The following FAM83F variants were observed in gnomAD, a reference collection of about 807,000 sequenced individuals.
FAM83F encodes the protein scaffolding CK1 anchoring protein F.
A neutral mutation model predicts 42.9 loss-of-function variants in FAM83F; 45 were observed. The observed-to-expected ratio is 1.05, with a 90% confidence interval of 0.83 to 1.35. FAM83F has a LOEUF of 1.35. FAM83F is among the 40% of genes most tolerant of loss of function. The probability of loss-of-function intolerance (pLI) is 0.00; values close to 1 mark genes in which losing one functional copy is unlikely to be tolerated. For synonymous variants in FAM83F, 306 were observed against 298.3 expected, an observed-to-expected ratio of 1.03 and a Z score of -0.27; for missense variants, 617 against 695.9, an observed-to-expected ratio of 0.89 and a Z score of 1.28.
chr22:40,001,983 G>T (rs1468987080), intron 1 of FAM83F, among the ~76,000 whole-genome samples: 1 of 152,198 alleles, frequency 6.6e-6, no homozygotes, highest in East Asian at 1.9e-4. Context: ...TGATCTGTTT[G>T]CCTTGATTTG....
intron 4 of FAM83F, among the ~76,000 whole-genome samples, chr22:40,027,854 C>T (rs998029034): frequency 2.0e-5 from 3 of 151,638 alleles, no homozygotes; most frequent in African/African-American, 7.3e-5. Context: ...CTACCCCCAC[C>T]ACCACCCACC....
chr22:40,013,725 G>A (rs980629628), intron 1 of FAM83F, among the ~76,000 whole-genome samples: 2 of 151,994 alleles, frequency 1.3e-5, no homozygotes, highest in Non-Finnish European at 2.9e-5. Flanking sequence ...TATTAATATG[G>A]AGAGTATTCG....
At chr22:40,013,023 C>T (rs1963710372) in intron 1 of FAM83F, among the ~76,000 whole-genome samples, 1 of 135,704 alleles carries the variant, frequency 7.4e-6, no homozygotes, top group Non-Finnish European at 1.5e-5. Context: ...GCTGAGCTTG[C>T]AGTGAGCTCA....
At chr22:40,008,655 T>C (rs563594580) in intron 1 of FAM83F, among the ~76,000 whole-genome samples, 1 of 152,320 alleles carries the variant, frequency 6.6e-6, no homozygotes, top group South Asian at 2.1e-4. Flanking sequence ...AGGCTGCTGT[T>C]AAAATGCATT....
intron 1 of FAM83F, among the ~76,000 whole-genome samples, chr22:40,002,424 C>G (rs528513129): frequency 7.9e-5 from 12 of 152,172 alleles, no homozygotes; most frequent in Non-Finnish European, 1.3e-4. Context: ...GGTCCCTGAA[C>G]CTCTGAGGAT....
Position 40,042,897 on chromosome 22 carries a change from C to G in FAM83F, c.*13332C>G, listed in dbSNP as rs2067658258. ...GGAAGGTTTTAGATTCTGAATGTTT[C>G]TCATTCATTGTGTTTTTGAGTTCAG... On this transcript the variant is annotated 3_prime_UTR_variant, in exon 5 of 5. Transcript: ENST00000333407. 6.6e-6 allele frequency: 1 copy of G among 152,112 alleles called. No homozygotes were observed. 9.4% of individuals were successfully genotyped at this position (152,112 alleles called of 1,614,324 possible).
chr22:40,022,253 T>C (rs1335882087), intron 4 of FAM83F, among the ~76,000 whole-genome samples: 1 of 152,254 alleles, frequency 6.6e-6, no homozygotes, highest in Non-Finnish European at 1.5e-5. Flanking sequence ...GAGCTTCTAA[T>C]GCTACTGCTA....
rs2067648134 is a variant in FAM83F at position 40,040,998 on chromosome 22, A to G, written c.*11433A>G. On this transcript the variant is annotated 3_prime_UTR_variant, in exon 5 of 5. Coordinates refer to ENST00000333407, the MANE Select transcript of FAM83F (RefSeq NM_138435.4). ...GTGGGTTATTGCAGAATTGTTCACA[A>G]AAATTCCCATTGCCTTGGAATTTGT... The G allele has an allele frequency of 6.6e-6, 1 of 152,224 alleles. No individual in the cohort carries two copies. Among genetic ancestry groups the G allele is most frequent in the Non-Finnish European group, 1.5e-5 (1 of 68,050 alleles). The allele number at this position is 152,224 out of a possible 1,614,324, so 9.4% of individuals were successfully genotyped here. A position where few individuals can be genotyped will look rare whatever the true frequency, so the allele number is the denominator to read the frequency against.
At chr22:40,024,173 A>G (rs980721403) in intron 4 of FAM83F, among the ~76,000 whole-genome samples, 1 of 151,832 alleles carries the variant, frequency 6.6e-6, no homozygotes, top group Non-Finnish European at 1.5e-5. Flanking sequence ...CTAATTTTTT[A>G]AATTGTTTGT....
intron 1 of FAM83F, among the ~76,000 whole-genome samples, chr22:39,999,610 T>C (rs137971334): frequency 5.9e-5 from 9 of 152,192 alleles, no homozygotes; most frequent in Non-Finnish European, 1.2e-4. Context: ...AAATGACTTA[T>C]CTTCAGACCA....
chr22:40,010,293 G>A (rs59826384), intron 1 of FAM83F, among the ~76,000 whole-genome samples: 33 of 152,298 alleles, frequency 2.2e-4, no homozygotes, highest in African/African-American at 7.9e-4. Context: ...CGTGCTCAGT[G>A]AAAGACCCAA....
In FAM83F at chr22:39,995,072, C is replaced by A; in HGVS notation, c.30C>A (p.Asp10Glu). Residue 10 changes from aspartate to glutamate, a missense_variant, in exon 1 of 5, where the codon GAC becomes GAA. Transcript: ENST00000333407. The surrounding 1 kb of genome is among the most constrained non-coding windows in gnomAD (Gnocchi z 4.6). ...CCGAGTCCCAGCTGAACTGCCTGGACGAGGCGCACGTGAACGAGAAGGTGA... is the reference window on the plus strand; with the variant it reads ...CCGAGTCCCAGCTGAACTGCCTGGAAGAGGCGCACGTGAACGAGAAGGTGA... The part of the protein sequence containing the change: MAESQLNCL[D>E]EAHVNEKVTE... 7.4e-7 allele frequency: 1 copy of A among 1,342,964 alleles called. No individual in the cohort carries two copies. The highest frequency in any genetic ancestry group is 9.5e-7 in the Non-Finnish European group (1 of 1,054,496). 83.2% of individuals were successfully genotyped at this position (1,342,964 alleles called of 1,614,324 possible). A position where few individuals can be genotyped will look rare whatever the true frequency, so the allele number is the denominator to read the frequency against.
Position 39,995,250 on chromosome 22 carries a change from G to C in FAM83F, c.208G>C (p.Ala70Pro). Reference sequence around the variant, plus strand: ...CCCGGAGCGCCAGGCCCTGCGGGCCGCCTGGAGCCCCTACGAGGACGCCGT... The same window carrying C: ...CCCGGAGCGCCAGGCCCTGCGGGCCCCCTGGAGCCCCTACGAGGACGCCGT... ...SSPERQALRA[A>P]WSPYEDAVPA... Residue 70 changes from alanine to proline, a missense_variant, in exon 1 of 5, where the codon GCC (alanine) becomes CCC (proline). Ala to Pro is a conservative substitution (Grantham distance 27). Coordinates refer to ENST00000333407, the MANE Select transcript of FAM83F (RefSeq NM_138435.4). The surrounding 1 kb of genome is among the most constrained non-coding windows in gnomAD (Gnocchi z 4.6). 1 of 1,534,714 alleles carries C rather than the reference G, an allele frequency of 6.5e-7. No homozygotes were observed. Among genetic ancestry groups the C allele is most frequent in the South Asian group, 1.2e-5 (1 of 83,864 alleles).
At chr22:40,020,935 T>G (rs1716619076) in intron 3 of FAM83F, among the ~76,000 whole-genome samples, 3 of 152,204 alleles carry the variant, frequency 2.0e-5, no homozygotes, top group Non-Finnish European at 4.4e-5. Context: ...TGCCAGGGAC[T>G]GAGCTAAATG....
At chr22:40,005,755 G>A (rs1445679135) in intron 1 of FAM83F, among the ~76,000 whole-genome samples, 1 of 152,232 alleles carries the variant, frequency 6.6e-6, no homozygotes, top group Non-Finnish European at 1.5e-5. Context: ...TCTGGGAGAG[G>A]AAGCGGCCTG....
rs1228552436 is a variant in FAM83F at position 40,033,445 on chromosome 22, C to A, written c.*3880C>A. On this transcript the variant is annotated 3_prime_UTR_variant, in exon 5 of 5. Coordinates refer to ENST00000333407, the MANE Select transcript of FAM83F (RefSeq NM_138435.4). ...GAGGCACACAACTCTCCCCAGATCC[C>A]ACGTCACAGAGAATGCAGGTCTGAG... is the stretch of plus-strand genomic sequence containing the variant. 2 of 152,274 alleles carry A rather than the reference C, an allele frequency of 1.3e-5. No individual in the cohort carries two copies. Among genetic ancestry groups the A allele is most frequent in the Non-Finnish European group, 2.9e-5 (2 of 68,066 alleles). The allele number at this position is 152,274 out of a possible 1,614,324, so 9.4% of individuals were successfully genotyped here.
chr22:40,003,206 G>A (rs1428386582), intron 1 of FAM83F, among the ~76,000 whole-genome samples: 1 of 152,202 alleles, frequency 6.6e-6, no homozygotes, highest in African/African-American at 2.4e-5. Flanking sequence ...TGACATTGAG[G>A]CAGGTAACAC....
chr22:40,004,268 A>C (rs2067416252), intron 1 of FAM83F, among the ~76,000 whole-genome samples: 3 of 53,062 alleles, frequency 5.7e-5, no homozygotes, highest in African/African-American at 2.2e-4. Flanking sequence ...CCCTTTTAGA[A>C]TTTTATTTTA....
At chr22:40,028,835 C>T (rs1225200498) in intron 4 of FAM83F, among the ~76,000 whole-genome samples, 1 of 152,226 alleles carries the variant, frequency 6.6e-6, no homozygotes, top group Non-Finnish European at 1.5e-5. Flanking sequence ...TCTTGGCCAG[C>T]GCCAGCCTTT....
Sources: allele counts gnomAD v4.1 joint callset (sites outside exome capture counted in the v4.1 genomes callset), GRCh38; gene constraint gnomAD v4.1.1; non-coding constraint Gnocchi (gnomAD v3.1); transcripts MANE v1.5; gene names NCBI Gene and HGNC (gene_info 2026-07-23, HGNC 2026-07-21).